Variants in PSKH2 observed in about 807,000 individuals in gnomAD.
PSKH2 encodes serine/threonine-protein kinase H2.
A neutral mutation model predicts 22.5 loss-of-function variants in PSKH2; 16 were observed. The observed-to-expected ratio is 0.71, with a 90% CI of 0.48 to 1.08. The LOEUF (loss-of-function observed/expected upper bound fraction) is 1.08, where lower values mean the gene tolerates loss of function less well. Among genes scored for constraint, PSKH2 ranks in the 50% least tolerant of loss-of-function variants. PSKH2 has a pLI of 0.00. For missense variants in PSKH2, 516 were observed against 492.8 expected, an observed-to-expected ratio of 1.05 and a Z score of -0.44; for synonymous variants, 188 against 184.8, an observed-to-expected ratio of 1.02 and a Z score of -0.14.
chr8:86,054,288 CATT>C (rs1198966736), intron 2 of PSKH2, among the ~76,000 whole-genome samples: 9 of 152,038 alleles, frequency 5.9e-5, no homozygotes, highest in Admixed American at 3.3e-4. Context: ...TAGAAATAAT[CATT>C]GTCACATTTA....
upstream of PSKH2, chr8:86,069,847 C>G: frequency 2.1e-6 from 1 of 484,442 alleles, no homozygotes; most frequent in Non-Finnish European, 3.5e-6. Context: ...GTGATGAAAG[C>G]AAAGTCAACC....
Position 86,047,521 on chromosome 8 carries a change from T to C in PSKH2, c.*941A>G, listed in dbSNP as rs1817543829. Among the ~76,000 whole-genome samples the C allele has an allele frequency of 6.6e-6, 1 of 152,180 alleles. No individual in the cohort carries two copies. Among genetic ancestry groups the C allele is most frequent in the African/African-American group, 2.4e-5 (1 of 41,466 alleles). The stretch of plus-strand genomic sequence containing the variant: ...AAGCAATATCAACTAATTAATCATT[T>C]ATTTACTATGTTTACCCACACATAT... On this transcript the variant is annotated 3_prime_UTR_variant, in exon 3 of 3. Transcript: ENST00000276616.
At position 86,048,457 on chromosome 8, in the gene PSKH2, T is replaced by C; in HGVS notation, c.*5A>G. 1 of 1,607,018 alleles carries C rather than the reference T, an allele frequency of 6.2e-7. No individual in the cohort carries two copies. Among genetic ancestry groups the C allele is most frequent in the South Asian group, 1.1e-5 (1 of 90,850 alleles). Reference sequence around the variant, plus strand: ...TAGGCAAAAATAGTTTTAGAGGTCATCTGCTTACAAAAGCGCAGACAGTGG... The same window carrying C: ...TAGGCAAAAATAGTTTTAGAGGTCACCTGCTTACAAAAGCGCAGACAGTGG... On this transcript the variant is annotated 3_prime_UTR_variant, in exon 3 of 3. Transcript: ENST00000276616.
intron 2 of PSKH2, among the ~76,000 whole-genome samples, chr8:86,063,118 T>A (rs1817802279): frequency 6.6e-6 from 1 of 152,226 alleles, no homozygotes; most frequent in African/African-American, 2.4e-5. Flanking sequence ...TGTAAAAACA[T>A]ATACATGTAC....
chr8:86,064,189 A>G lies in PSKH2; in HGVS notation c.628T>C (p.Ser210Pro). ...GTCCAGTCACCACTTTTTTTCCCGG[A>G]GTATGCCAAACCAAAATCTGTAATT... ...ILITDFGLAY[S>P]GKKSGDWTMK... The change falls in exon 2 of 3, where the codon TCC (serine) becomes CCC (proline). Residue 210 changes from serine (S) to proline (P), a missense_variant. By Grantham distance (74) the Ser-to-Pro change is moderately conservative. Transcript: ENST00000276616. 4 of 1,613,980 alleles carry G rather than the reference A, an allele frequency of 2.5e-6. No homozygotes were observed. Among genetic ancestry groups the G allele is most frequent in the Non-Finnish European group, 8.5e-7 (1 of 1,179,988 alleles).
In PSKH2 at chr8:86,064,139, T is replaced by C. The variant is rs566883531; in HGVS notation, c.678A>G (p.Pro226=). 2 of 1,614,210 alleles carry C rather than the reference T, an allele frequency of 1.2e-6. No individual in the cohort carries two copies. Among genetic ancestry groups the C allele is most frequent in the Admixed American group, 1.7e-5 (1 of 60,030 alleles). Residue 226 remains proline (P), a synonymous_variant, in exon 2 of 3, where the codon CCA becomes CCG. Coordinates refer to ENST00000276616, the MANE Select transcript of PSKH2 (RefSeq NM_033126.3). ...DWTMKTLCGT[P]EYIAPEVLLR... is the part of the protein sequence containing the mutation. ...GCAAAACCTCAGGAGCTATGTACTC[T>C]GGGGTCCCACAGAGTGTCTTCATTG... is the stretch of plus-strand genomic sequence containing the variant.
chr8:86,051,945 C>T (rs576602756), intron 2 of PSKH2, among the ~76,000 whole-genome samples: 2 of 152,262 alleles, frequency 1.3e-5, no homozygotes, highest in South Asian at 2.1e-4. Context: ...GTCAATTTCA[C>T]ATTTCACATT....
rs143618673 is a variant in PSKH2, at chr8:86,050,305, T to C, written c.853-1538A>G. On this transcript the variant is annotated intron_variant, in intron 2 of 2. Coordinates refer to ENST00000276616, the MANE Select transcript of PSKH2 (RefSeq NM_033126.3). ...ATATAACAGCCTTCACTTCTCATTC[T>C]CCTCTTGTGCTAAATAATTACCTCT... 4.9e-3 allele frequency among the ~76,000 whole-genome samples: 743 copies of C among 152,330 alleles called. 5 individuals are homozygous for C. Among genetic ancestry groups the C allele is most frequent in the African/African-American group, 0.017 (702 of 41,562 alleles).
chr8:86,053,807 C>T (rs929529838), intron 2 of PSKH2, among the ~76,000 whole-genome samples: 2 of 152,042 alleles, frequency 1.3e-5, no homozygotes, highest in Admixed American at 6.6e-5. Context: ...TTTGGGAGGC[C>T]GAGTCAGGAG....
chr8:86,067,843 C>G (rs1262032652), intron 1 of PSKH2, among the ~76,000 whole-genome samples: 13 of 152,170 alleles, frequency 8.5e-5, no homozygotes, highest in Admixed American at 8.5e-4. Flanking sequence ...CCAATTCTAC[C>G]ACTAACTTGG....
intron 1 of PSKH2, 146 bp downstream of exon 1, chr8:86,069,292 G>A: frequency 1.5e-6 from 1 of 651,204 alleles, no homozygotes; most frequent in South Asian, 2.7e-5. Flanking sequence ...TCTCAAAAGG[G>A]CAGAGAAAGG....
intron 1 of PSKH2, among the ~76,000 whole-genome samples, chr8:86,067,352 T>C (rs1010258246): frequency 6.7e-6 from 1 of 148,528 alleles, no homozygotes; most frequent in Admixed American, 6.8e-5. Context: ...CTATACCTTG[T>C]AAAGTGCCTA....
At position 86,069,480 on chromosome 8, in the gene PSKH2, A is replaced by G; in HGVS notation, c.143T>C (p.Val48Ala). The G allele has an allele frequency of 6.2e-7, 1 of 1,604,092 alleles. No homozygotes were observed. ...GTCGAACTTGGCTCGGAAGCGAGCC[A>G]CCTGTATCCTCTGCGCCGCCTGGGC... ...AAAQAAQRIQ[V>A]ARFRAKFDPR... The change falls in exon 1 of 3, where the codon GTG (valine) becomes GCG (alanine). Residue 48 changes from valine to alanine, a missense_variant. Transcript: ENST00000276616.
rs79878958 is a variant in PSKH2 at position 86,055,414 on chromosome 8, T to C, written c.853-6647A>G. ...GAGATGAAGGTTTATATCCATTCAGTTTAAGGCAAGTCAGAGAAGAGATGA... is the reference window on the plus strand; with the variant it reads ...GAGATGAAGGTTTATATCCATTCAGCTTAAGGCAAGTCAGAGAAGAGATGA... On this transcript the variant is annotated intron_variant, in intron 2 of 2. Coordinates refer to ENST00000276616, the MANE Select transcript of PSKH2 (RefSeq NM_033126.3). Among the ~76,000 whole-genome samples, 340 of 152,326 alleles carry C rather than the reference T, an allele frequency of 2.2e-3. 3 individuals carry two copies. Among genetic ancestry groups the C allele is most frequent in the East Asian group, 0.015 (80 of 5,190 alleles).
chr8:86,062,609 T>C (rs7000789), intron 2 of PSKH2, among the ~76,000 whole-genome samples: 9,334 of 150,198 alleles, frequency 0.062, 972 homozygotes, highest in African/African-American at 0.21. Context: ...GCCTCTCTTT[T>C]TCTCCTGTCA....
At chr8:86,065,864 G>A (rs1283082904) in intron 1 of PSKH2, among the ~76,000 whole-genome samples, 1 of 152,094 alleles carries the variant, frequency 6.6e-6, no homozygotes, top group Non-Finnish European at 1.5e-5. Context: ...CGGCTACTGA[G>A]GGGACTGAAG....
intron 2 of PSKH2, among the ~76,000 whole-genome samples, chr8:86,063,339 G>T (rs1817804523): frequency 6.6e-6 from 1 of 152,008 alleles, no homozygotes; most frequent in African/African-American, 2.4e-5. Context: ...ATTTTGTCAG[G>T]CTTCCCACAC....
chr8:86,056,726 C>T (rs946388516), intron 2 of PSKH2, among the ~76,000 whole-genome samples: 9 of 152,172 alleles, frequency 5.9e-5, no homozygotes, highest in Non-Finnish European at 1.5e-5. Flanking sequence ...TCAGCACCTA[C>T]ATCTATTAGC....
chr8:86,050,837 G>A (rs1586057267), intron 2 of PSKH2, among the ~76,000 whole-genome samples: 1 of 152,148 alleles, frequency 6.6e-6, no homozygotes, highest in East Asian at 1.9e-4. Flanking sequence ...CGATAAAGCA[G>A]AGTCCATACA....
Sources: gnomAD v4.1 joint callset for allele counts (sites outside exome capture counted in the v4.1 genomes callset) on GRCh38, gnomAD v4.1.1 for gene constraint, MANE v1.5 for transcripts, NCBI Gene and HGNC (gene_info 2026-07-23, HGNC 2026-07-21) for gene names.